The following HTR4 variants were observed in gnomAD, a reference collection of about 807,000 sequenced individuals.
HTR4 encodes 5-hydroxytryptamine (serotonin) receptor 4, G protein-coupled.
Under a neutral mutation model 36.8 loss-of-function variants are expected in HTR4, and 16 were observed. The ratio of observed to expected loss-of-function variants is 0.43; its 90% CI spans 0.29 to 0.66. The LOEUF is 0.66. Ranked by LOEUF, HTR4 falls within the 30% of genes least tolerant of loss-of-function variation. HTR4 has a pLI of 0.13. For missense variants in HTR4, 438 were observed against 490.9 expected, an observed-to-expected ratio of 0.89 and a Z score of 1.02; for synonymous variants, 189 against 185.1, an observed-to-expected ratio of 1.02 and a Z score of -0.17.
downstream of HTR4, among the ~76,000 whole-genome samples, chr5:148,478,946 C>T (rs1012197770): frequency 5.9e-5 from 9 of 152,112 alleles, no homozygotes; most frequent in Admixed American, 3.9e-4. Context: ...TCACACATAA[C>T]CTGGGCCTAA....
chr5:148,531,313 G>A (rs1758554745), intron 4 of HTR4, among the ~76,000 whole-genome samples: 1 of 152,062 alleles, frequency 6.6e-6, no homozygotes, highest in Non-Finnish European at 1.5e-5. Context: ...GGTTGGAGGT[G>A]GTTTAATCAT....
chr5:148,452,151 G>C (rs1014150821), intron 5 of HTR4, among the ~76,000 whole-genome samples: 4 of 152,130 alleles, frequency 2.6e-5, no homozygotes, highest in African/African-American at 4.8e-5. Flanking sequence ...TTGTTGATTT[G>C]TATTGACAAA....
downstream of HTR4, among the ~76,000 whole-genome samples, chr5:148,472,225 A>G (rs1755586361): frequency 6.6e-6 from 1 of 152,228 alleles, no homozygotes; most frequent in African/African-American, 2.4e-5. Flanking sequence ...AGAGACTGGC[A>G]TAACAAGCCC....
intron 5 of HTR4, among the ~76,000 whole-genome samples, chr5:148,521,448 G>A (rs142023929): frequency 3.4e-4 from 51 of 151,970 alleles, no homozygotes; most frequent in African/African-American, 1.2e-3. Context: ...CTGCCTTCAA[G>A]CTGTGATATC....
intron 4 of HTR4, among the ~76,000 whole-genome samples, chr5:148,544,782 A>G (rs907625445): frequency 6.6e-6 from 1 of 152,218 alleles, no homozygotes; most frequent in African/African-American, 2.4e-5. Flanking sequence ...GGGAAAATGC[A>G]TTTTGTAGTA....
chr5:148,474,694 C>T (rs1755653351), downstream of HTR4, among the ~76,000 whole-genome samples: 1 of 152,142 alleles, frequency 6.6e-6, no homozygotes, highest in East Asian at 1.9e-4. Context: ...TTACTTCTGT[C>T]TCTCACCTTC....
chr5:148,644,437 T>G (rs1317183927), intron 1 of HTR4, among the ~76,000 whole-genome samples: 7 of 142,256 alleles, frequency 4.9e-5, no homozygotes, highest in East Asian at 2.0e-4. Flanking sequence ...TTTTTTTTTT[T>G]TTTTTTTTTT....
intron 2 of HTR4, among the ~76,000 whole-genome samples, chr5:148,553,665 G>A (rs1381304672): frequency 6.6e-6 from 1 of 152,194 alleles, no homozygotes; most frequent in African/African-American, 2.4e-5. Flanking sequence ...ATGGCAATGA[G>A]ATACTAATTT....
At chr5:148,476,806 G>A (rs1392303858), downstream of HTR4, 5 of 1,608,926 alleles carry the variant, frequency 3.1e-6, no homozygotes, top group Non-Finnish European at 4.2e-6. Context: ...ATATCAAAAT[G>A]TCACAGGAGA....
intron 2 of HTR4, among the ~76,000 whole-genome samples, chr5:148,586,530 C>A (rs1383269062): frequency 6.6e-6 from 1 of 152,082 alleles, no homozygotes; most frequent in African/African-American, 2.4e-5. Context: ...CACTTTTAAA[C>A]CATCAGATCT....
chr5:148,599,062 G>A (rs569233100), intron 2 of HTR4, among the ~76,000 whole-genome samples: 1 of 152,148 alleles, frequency 6.6e-6, no homozygotes, highest in East Asian at 1.9e-4. Context: ...AAAACAGGAA[G>A]ATAGTCAAGT....
intron 2 of HTR4, among the ~76,000 whole-genome samples, chr5:148,588,512 C>T (rs1174164272): frequency 6.7e-6 from 1 of 148,734 alleles, no homozygotes; most frequent in Non-Finnish European, 1.5e-5. Context: ...ATATCATTCA[C>T]AGTAGGTTTT....
chr5:148,478,822 A>G (rs1056525268), downstream of HTR4, among the ~76,000 whole-genome samples: 7 of 152,120 alleles, frequency 4.6e-5, no homozygotes, highest in Non-Finnish European at 8.8e-5. Flanking sequence ...ATAGGTCCCA[A>G]GAGGTAAACA....
intron 4 of HTR4, among the ~76,000 whole-genome samples, chr5:148,547,347 G>T (rs182228482): frequency 6.6e-6 from 1 of 151,660 alleles, no homozygotes; most frequent in South Asian, 2.1e-4. Flanking sequence ...GTGAAACCCC[G>T]TCTCTACTAA....
intron 2 of HTR4, among the ~76,000 whole-genome samples, chr5:148,621,366 C>A (rs1016142173): frequency 2.6e-5 from 4 of 152,180 alleles, no homozygotes; most frequent in Non-Finnish European, 4.4e-5. Flanking sequence ...ACTCTCTTAG[C>A]TGTCTTCTCT....
intron 2 of HTR4, among the ~76,000 whole-genome samples, chr5:148,551,607 T>C (rs1469719272): frequency 6.6e-6 from 1 of 152,220 alleles, no homozygotes; most frequent in Non-Finnish European, 1.5e-5. Context: ...TAATAAAATG[T>C]TCTTTTTAAT....
intron 6 of HTR4, among the ~76,000 whole-genome samples, chr5:148,502,381 T>C (rs1283424050): frequency 2.0e-5 from 3 of 152,176 alleles, no homozygotes; most frequent in Non-Finnish European, 4.4e-5. Context: ...ATACCCAGGC[T>C]AACAGGTTCT....
In HTR4 at chr5:148,509,796, G is replaced by A. The variant is rs750379365; in HGVS notation, c.736C>T (p.His246Tyr). Reference sequence around the variant, plus strand: ...TCTGTCCTCATGCGATGAGTGCTATGCTGGTCTGCCGACTGAGGCCTGCTC... The same window carrying A: ...TCTGTCCTCATGCGATGAGTGCTATACTGGTCTGCCGACTGAGGCCTGCTC... The part of the protein sequence containing the change: ...SESRPQSADQ[H>Y]STHRMRTETK... The change falls in exon 6 of 7, where the codon CAT (histidine) becomes TAT (tyrosine). Residue 246 changes from histidine to tyrosine, a missense_variant. Transcript: ENST00000377888. The A allele has an allele frequency of 6.2e-7, 1 of 1,614,044 alleles. No individual in the cohort carries two copies. Among genetic ancestry groups the A allele is most frequent in the Non-Finnish European group, 8.5e-7 (1 of 1,179,988 alleles).
intron 5 of HTR4, among the ~76,000 whole-genome samples, chr5:148,519,039 C>T (rs1014781993): frequency 1.3e-5 from 2 of 151,952 alleles, no homozygotes; most frequent in Non-Finnish European, 2.9e-5. Flanking sequence ...TTCTCAATTG[C>T]CTATGGAACA....
Sources: allele counts gnomAD v4.1 joint callset (sites outside exome capture counted in the v4.1 genomes callset), GRCh38; gene constraint gnomAD v4.1.1; transcripts MANE v1.5; gene names NCBI Gene and HGNC (gene_info 2026-07-23, HGNC 2026-07-21).